DOCK1: variants seen among roughly 807,000 people sequenced by gnomAD.
DOCK1 encodes the protein dedicator of cytokinesis protein 1.
DOCK1 carries 138 observed loss-of-function variants against 262.7 expected under a neutral mutation model. The observed-to-expected ratio is 0.53, with a 90% CI of 0.46 to 0.61. The LOEUF is 0.61. DOCK1 is among the 20% of genes least tolerant of loss of function. The probability of loss-of-function intolerance (pLI) is 0.00; values close to 1 mark genes in which losing one functional copy is unlikely to be tolerated. For synonymous variants in DOCK1, 866 were observed against 867.4 expected (o/e 1.00, Z 0.03); for missense variants, 1,908 against 2,370.7 (o/e 0.80, Z 4.05).
At chr10:127,364,624 A>G (rs2064795755) in intron 33 of DOCK1, among the ~76,000 whole-genome samples, 1 of 152,178 alleles carries the variant, frequency 6.6e-6, no homozygotes, top group African/African-American at 2.4e-5. Context: ...TCAGCCTCCC[A>G]AAGTGCTGTG....
chr10:127,311,921 G>A (rs547171994), intron 29 of DOCK1, among the ~76,000 whole-genome samples: 1 of 151,972 alleles, frequency 6.6e-6, no homozygotes, highest in Non-Finnish European at 1.5e-5. Context: ...CTGGAGTGCA[G>A]TGGGGCGATC....
chr10:127,346,671 C>T (rs945263838), intron 31 of DOCK1, among the ~76,000 whole-genome samples: 2 of 152,194 alleles, frequency 1.3e-5, no homozygotes, highest in Non-Finnish European at 1.5e-5. Context: ...GTTTGCTTCC[C>T]ACGTAGTGGC....
At chr10:127,306,876 T>C (rs935033296) in intron 29 of DOCK1, among the ~76,000 whole-genome samples, 1 of 152,128 alleles carries the variant, frequency 6.6e-6, no homozygotes, top group Non-Finnish European at 1.5e-5. Flanking sequence ...ATAATCTCTC[T>C]CTCGATAAGA....
At chr10:127,382,341 G>A (rs1319498132) in intron 37 of DOCK1, among the ~76,000 whole-genome samples, 1 of 152,128 alleles carries the variant, frequency 6.6e-6, no homozygotes, top group Non-Finnish European at 1.5e-5. Context: ...TCCATCTTTG[G>A]CCCGATCCTG....
chr10:127,164,478 C>T (rs865870709), intron 27 of DOCK1, among the ~76,000 whole-genome samples: 9 of 152,240 alleles, frequency 5.9e-5, no homozygotes, highest in Admixed American at 3.3e-4. Flanking sequence ...CCACTGCTCC[C>T]GGCCCTGCCT....
chr10:127,303,753 G>T (rs2061775464), intron 29 of DOCK1, among the ~76,000 whole-genome samples: 1 of 150,866 alleles, frequency 6.6e-6, no homozygotes, highest in South Asian at 2.1e-4. Context: ...CAGCTACTTG[G>T]AAGGCTGAGG....
intron 48 of DOCK1, among the ~76,000 whole-genome samples, chr10:127,436,824 G>C (rs1420298961): frequency 6.6e-6 from 1 of 151,878 alleles, no homozygotes; most frequent in Non-Finnish European, 1.5e-5. Context: ...ATACATGAGT[G>C]TTAATTTCCC....
intron 16 of DOCK1, among the ~76,000 whole-genome samples, chr10:127,030,769 C>T (rs1246365607): frequency 6.6e-6 from 1 of 152,130 alleles, no homozygotes; most frequent in Non-Finnish European, 1.5e-5. Context: ...ACAAGATCAA[C>T]AAGATTCTCT....
At chr10:127,153,788 T>C in intron 27 of DOCK1, 1 of 1,294,004 alleles carries the variant, frequency 7.7e-7, no homozygotes, top group Non-Finnish European at 1.1e-6. Flanking sequence ...CGTTCTTGCA[T>C]TTGTGGGTAA....
intron 30 of DOCK1, among the ~76,000 whole-genome samples, chr10:127,342,401 C>A (rs1430309544): frequency 6.6e-6 from 1 of 152,144 alleles, no homozygotes; most frequent in Non-Finnish European, 1.5e-5. Context: ...CTGGCTCAGA[C>A]CCCCATTCTG....
intron 23 of DOCK1, among the ~76,000 whole-genome samples, chr10:127,067,578 A>G (rs2045953598): frequency 2.0e-5 from 3 of 152,038 alleles, no homozygotes; most frequent in South Asian, 4.2e-4. Flanking sequence ...AATGCTCATG[A>G]AGAAGTTCTA....
intron 1 of DOCK1, among the ~76,000 whole-genome samples, chr10:126,947,310 T>G (rs1018046362): frequency 1.4e-5 from 1 of 69,722 alleles, no homozygotes; most frequent in Non-Finnish European, 3.6e-5. Context: ...TTACTGTTGG[T>G]GGTGATGGTG....
At chr10:127,443,599 C>T (rs1172917221) in intron 49 of DOCK1, among the ~76,000 whole-genome samples, 1 of 152,132 alleles carries the variant, frequency 6.6e-6, no homozygotes, top group East Asian at 1.9e-4. Context: ...GCTCAGTGAT[C>T]AGTAGGAACC....
At chr10:127,153,982 G>A (rs2052771168) in intron 27 of DOCK1, 3 of 1,244,138 alleles carry the variant, frequency 2.4e-6, no homozygotes, top group Middle Eastern at 1.9e-4. Flanking sequence ...TGGCTTTATA[G>A]AGCAGATGCC....
intron 1 of DOCK1, among the ~76,000 whole-genome samples, chr10:126,915,567 C>T (rs1230733176): frequency 1.3e-5 from 2 of 152,036 alleles, no homozygotes; most frequent in Non-Finnish European, 2.9e-5. Context: ...TACAGGTGTG[C>T]ACCACCGCAT....
chr10:127,142,843 G>T (rs1174850413), intron 27 of DOCK1, among the ~76,000 whole-genome samples: 1 of 152,284 alleles, frequency 6.6e-6, no homozygotes, highest in Middle Eastern at 3.4e-3. Context: ...TTAATTTCTT[G>T]GTTGGTCTTT....
At chr10:127,006,642 C>T (rs2041048622) in intron 10 of DOCK1, among the ~76,000 whole-genome samples, 1 of 152,206 alleles carries the variant, frequency 6.6e-6, no homozygotes, top group Non-Finnish European at 1.5e-5. Flanking sequence ...AGGCCTTCTC[C>T]TCGAGGCTCA....
At chr10:127,124,846 G>C (rs1397199302) in intron 25 of DOCK1, among the ~76,000 whole-genome samples, 1 of 152,154 alleles carries the variant, frequency 6.6e-6, no homozygotes, top group East Asian at 1.9e-4. Flanking sequence ...AATTTGTGTT[G>C]TAGGAAGTAT....
At chr10:127,344,853 A>G (rs1159012134) in intron 31 of DOCK1, among the ~76,000 whole-genome samples, 1 of 152,164 alleles carries the variant, frequency 6.6e-6, no homozygotes, top group Non-Finnish European at 1.5e-5. Flanking sequence ...CCTGGGCAAC[A>G]TGGCAAGACC....
Sources: gnomAD v4.1 joint callset for allele counts (sites outside exome capture counted in the v4.1 genomes callset) on GRCh38, gnomAD v4.1.1 for gene constraint, MANE v1.5 for transcripts, NCBI Gene and HGNC (gene_info 2026-07-23, HGNC 2026-07-21) for gene names.